The following SLC24A2 variants were observed in gnomAD, a reference collection of about 807,000 sequenced individuals.
The protein encoded by SLC24A2 is solute carrier family 24 member 2, also known as sodium/potassium/calcium exchanger 2.
Under a neutral mutation model 62.0 loss-of-function variants are expected in SLC24A2, and 36 were observed. The ratio of observed to expected loss-of-function variants is 0.58; its 90% CI spans 0.44 to 0.77. The LOEUF is 0.77. Ranked by LOEUF, SLC24A2 falls within the 30% of genes least tolerant of loss-of-function variation. SLC24A2 has a pLI of 0.00. For missense variants in SLC24A2, 846 were observed against 817.9 expected, an observed-to-expected ratio of 1.03 and a Z score of -0.42; for synonymous variants, 358 against 294.0, an observed-to-expected ratio of 1.22 and a Z score of -2.23.
At chr9:20,232,490 C>A in the SLC24A2 span, among the ~76,000 whole-genome samples, 938 of 152,226 alleles carry the variant, frequency 6.2e-3, 11 homozygotes, top group East Asian at 0.028. Context: ...AGGAATTTAT[C>A]CATTTCTTCT....
At chr9:20,152,861 C>T in the SLC24A2 span, among the ~76,000 whole-genome samples, 1 of 151,794 alleles carries the variant, frequency 6.6e-6, no homozygotes, top group Non-Finnish European at 1.5e-5. Context: ...AGAATGGGCA[C>T]ATTAAGTGAA....
the SLC24A2 span, among the ~76,000 whole-genome samples, chr9:19,919,533 A>G: frequency 1.3e-5 from 2 of 152,188 alleles, no homozygotes; most frequent in African/African-American, 4.8e-5. Context: ...TAAAAATACA[A>G]TTACACATCA....
At chr9:20,097,656 A>G in the SLC24A2 span, among the ~76,000 whole-genome samples, 1 of 149,628 alleles carries the variant, frequency 6.7e-6, no homozygotes, top group South Asian at 2.1e-4. Context: ...AGACAGTCCC[A>G]ATGTGGTTGC....
the SLC24A2 span, among the ~76,000 whole-genome samples, chr9:19,908,075 C>T: frequency 2.5e-4 from 38 of 152,216 alleles, no homozygotes; most frequent in Middle Eastern, 3.2e-3. Flanking sequence ...CGTTACCTGA[C>T]TTCAAACTAT....
At chr9:19,803,249 G>C in the SLC24A2 span, among the ~76,000 whole-genome samples, 5 of 152,164 alleles carry the variant, frequency 3.3e-5, no homozygotes, top group Non-Finnish European at 7.4e-5. Flanking sequence ...ACATAAGACA[G>C]TAAAATTTTA....
intron 10 of SLC24A2, among the ~76,000 whole-genome samples, chr9:19,520,391 A>G (rs1451814306): frequency 1.3e-5 from 2 of 152,208 alleles, no homozygotes; most frequent in Admixed American, 1.3e-4. Context: ...CTGGCTTTCA[A>G]AAAACCTGGA....
At chr9:19,608,231 C>T (rs1281407179) in intron 4 of SLC24A2, among the ~76,000 whole-genome samples, 2 of 152,040 alleles carry the variant, frequency 1.3e-5, no homozygotes, top group African/African-American at 2.4e-5. Flanking sequence ...TTTTGAGAGA[C>T]ACCTTCTCCA....
At chr9:19,863,095 T>G in the SLC24A2 span, among the ~76,000 whole-genome samples, 1 of 149,894 alleles carries the variant, frequency 6.7e-6, no homozygotes, top group Admixed American at 6.6e-5. Flanking sequence ...AGAGCAGGAG[T>G]TGCTGTACTT....
chr9:19,973,443 T>C, the SLC24A2 span, among the ~76,000 whole-genome samples: 8 of 152,258 alleles, frequency 5.3e-5, no homozygotes, highest in African/African-American at 1.9e-4. Context: ...AAGGAATTTT[T>C]TTCTATCATC....
the SLC24A2 span, among the ~76,000 whole-genome samples, chr9:20,127,723 G>C: frequency 2.6e-5 from 4 of 152,130 alleles, no homozygotes; most frequent in Non-Finnish European, 5.9e-5. Context: ...AGACGGGAAG[G>C]TTAGGGAACA....
At chr9:19,780,308 C>A (rs1403619031) in intron 2 of SLC24A2, among the ~76,000 whole-genome samples, 1 of 150,514 alleles carries the variant, frequency 6.6e-6, no homozygotes, top group Non-Finnish European at 1.5e-5. Context: ...CACTCTGTCG[C>A]CCAGGCTGCA....
chr9:19,534,020 T>TG (rs369697529), intron 8 of SLC24A2, among the ~76,000 whole-genome samples: 13 of 152,198 alleles, frequency 8.5e-5, no homozygotes, highest in African/African-American at 2.6e-4. Context: ...GCTTTTTTGA[T>TG]GGTTATCTCA....
intron 2 of SLC24A2, among the ~76,000 whole-genome samples, chr9:19,736,741 A>T (rs535167542): frequency 6.6e-6 from 1 of 152,258 alleles, no homozygotes; most frequent in African/African-American, 2.4e-5. Context: ...AATCTTAGCT[A>T]CTCAGCAGGC....
the SLC24A2 span, among the ~76,000 whole-genome samples, chr9:20,070,807 G>T: frequency 1.3e-5 from 2 of 152,174 alleles, no homozygotes; most frequent in Non-Finnish European, 2.9e-5. Flanking sequence ...TCTAAGAAAA[G>T]GTAGAGAGAA....
chr9:20,112,206 G>C, the SLC24A2 span, among the ~76,000 whole-genome samples: 2 of 152,096 alleles, frequency 1.3e-5, no homozygotes. Flanking sequence ...TTGTAAACAA[G>C]ATCTCTCTGC....
intron 2 of SLC24A2, among the ~76,000 whole-genome samples, chr9:19,708,156 T>C (rs527822436): frequency 1.8e-3 from 273 of 152,232 alleles, no homozygotes; most frequent in Middle Eastern, 3.4e-3. Flanking sequence ...CCATTCACCA[T>C]TGCTTCAAAG....
intron 7 of SLC24A2, among the ~76,000 whole-genome samples, chr9:19,555,315 C>T (rs796743103): frequency 1.1e-4 from 16 of 152,250 alleles, no homozygotes; most frequent in African/African-American, 3.4e-4. Context: ...AAAGTCAGAC[C>T]TCTTCTGAGA....
At chr9:20,019,103 T>G in the SLC24A2 span, among the ~76,000 whole-genome samples, 3 of 84,762 alleles carry the variant, frequency 3.5e-5, no homozygotes, top group Non-Finnish European at 6.6e-5. Context: ...GAAAGAAAGA[T>G]AGAAAGAAAG....
intron 2 of SLC24A2, among the ~76,000 whole-genome samples, chr9:19,710,061 C>T (rs188185181): frequency 0.01 from 1,580 of 152,200 alleles, 21 homozygotes; most frequent in South Asian, 0.018. Flanking sequence ...TTTCCTCCTC[C>T]CTAATCCTCC....
Sources: gnomAD v4.1 joint callset for allele counts (sites outside exome capture counted in the v4.1 genomes callset) on GRCh38, gnomAD v4.1.1 for gene constraint, MANE v1.5 for transcripts, NCBI Gene and HGNC (gene_info 2026-07-23, HGNC 2026-07-21) for gene names.